Variants in OSBPL1A observed in about 807,000 individuals in gnomAD.
OSBPL1A encodes the protein oxysterol-binding protein-related protein 1.
Under a neutral mutation model 137.1 loss-of-function variants are expected in OSBPL1A, and 80 were observed. The ratio of observed to expected loss-of-function variants is 0.58; its 90% confidence interval spans 0.49 to 0.70. The LOEUF (loss-of-function observed/expected upper bound fraction) is 0.70, where lower values mean the gene tolerates loss of function less well. Among genes scored for constraint, OSBPL1A ranks in the 30% least tolerant of loss-of-function variants. The pLI, the probability that OSBPL1A is intolerant of heterozygous loss-of-function variation, is 0.00. For missense variants in OSBPL1A, 970 were observed against 1,129.4 expected, an observed-to-expected ratio of 0.86 and a Z score of 2.02; for synonymous variants, 365 against 389.7, an observed-to-expected ratio of 0.94 and a Z score of 0.75.
At chr18:24,385,816 C>T (rs893818542) in intron 1 of OSBPL1A, among the ~76,000 whole-genome samples, 5 of 152,150 alleles carry the variant, frequency 3.3e-5, no homozygotes, top group African/African-American at 1.2e-4. Context: ...AAAGCAACTT[C>T]CTTCTGAAGA....
At chr18:24,332,083 T>C (rs988274683) in intron 7 of OSBPL1A, among the ~76,000 whole-genome samples, 7 of 151,998 alleles carry the variant, frequency 4.6e-5, no homozygotes, top group African/African-American at 7.2e-5. Context: ...CTGTTTAAAA[T>C]GGCCCCAAGC....
chr18:24,360,882 G>A (rs1019147130), intron 4 of OSBPL1A, among the ~76,000 whole-genome samples: 11 of 152,182 alleles, frequency 7.2e-5, no homozygotes, highest in African/African-American at 2.7e-4. Context: ...GAGCTGCCGG[G>A]ATAGGTTCCA....
intron 18 of OSBPL1A, among the ~76,000 whole-genome samples, chr18:24,187,384 G>T (rs1194483962): frequency 6.6e-6 from 1 of 152,150 alleles, no homozygotes; most frequent in African/African-American, 2.4e-5. Context: ...TGAAGGTGGT[G>T]CCTTTTTTGT....
chr18:24,170,686 A>C, intron 23 of OSBPL1A: 1 of 480,270 alleles, frequency 2.1e-6, no homozygotes, highest in Non-Finnish European at 3.8e-6. Flanking sequence ...TCACTCTGTT[A>C]CTCAGGCTGG....
At chr18:24,209,375 A>G (rs1306272870) in intron 17 of OSBPL1A, among the ~76,000 whole-genome samples, 1 of 152,250 alleles carries the variant, frequency 6.6e-6, no homozygotes, top group African/African-American at 2.4e-5. Flanking sequence ...GTACCATGTC[A>G]TACCTACAAA....
chr18:24,314,293 G>A lies in OSBPL1A; in HGVS notation c.925C>T (p.His309Tyr), dbSNP rs2090678043. The change falls in exon 12 of 28, where the codon CAT becomes TAT. Residue 309 changes from histidine to tyrosine, a missense_variant. His to Tyr is a moderately conservative substitution (Grantham distance 83). Coordinates refer to ENST00000319481, the MANE Select transcript of OSBPL1A (RefSeq NM_080597.4). ...CTATTCTTAGGAACCCGGAAGCCAT[G>A]AATGGTGTCATCAAAGCATTTAATA... The part of the protein sequence containing the change: ...FFIKCFDDTI[H>Y]GFRVPKNSLQ... 1.2e-6 allele frequency: 2 copies of A among 1,611,894 alleles called. No homozygotes were observed. The highest frequency in any genetic ancestry group is 1.7e-6 in the Non-Finnish European group (2 of 1,179,362).
At chr18:24,257,200 G>A (rs374435093) in intron 15 of OSBPL1A, among the ~76,000 whole-genome samples, 6 of 152,178 alleles carry the variant, frequency 3.9e-5, no homozygotes, top group African/African-American at 1.4e-4. Flanking sequence ...AACTAAACTG[G>A]AGGAATCATA....
At chr18:24,298,502 C>T (rs1406316149) in intron 14 of OSBPL1A, among the ~76,000 whole-genome samples, 4 of 152,180 alleles carry the variant, frequency 2.6e-5, no homozygotes, top group Non-Finnish European at 5.9e-5. Context: ...TGTGCCACCA[C>T]GCCCGGCTAA....
chr18:24,396,350 C>A (rs1034638540), intron 1 of OSBPL1A, among the ~76,000 whole-genome samples: 5 of 152,066 alleles, frequency 3.3e-5, no homozygotes, highest in African/African-American at 1.2e-4. Flanking sequence ...TAAGTTTCTG[C>A]TGATTCACAA....
intron 15 of OSBPL1A, among the ~76,000 whole-genome samples, chr18:24,278,787 A>G (rs542284581): frequency 6.7e-6 from 1 of 150,258 alleles, no homozygotes; most frequent in South Asian, 2.1e-4. Context: ...CTATGACATC[A>G]TATTTTATTA....
intron 14 of OSBPL1A, among the ~76,000 whole-genome samples, chr18:24,284,452 G>T (rs906664973): frequency 6.6e-6 from 1 of 152,126 alleles, no homozygotes; most frequent in African/African-American, 2.4e-5. Flanking sequence ...GCTGTGAGAA[G>T]ATCATATTGG....
At chr18:24,194,347 A>G (rs1443774347) in intron 18 of OSBPL1A, among the ~76,000 whole-genome samples, 1 of 152,218 alleles carries the variant, frequency 6.6e-6, no homozygotes, top group African/African-American at 2.4e-5. Flanking sequence ...TATAATAGAA[A>G]ATACAATTTG....
chr18:24,331,423 GTC>G (rs2091075428), intron 7 of OSBPL1A, among the ~76,000 whole-genome samples: 1 of 145,704 alleles, frequency 6.9e-6, no homozygotes, highest in African/African-American at 2.6e-5. Flanking sequence ...TTGAGACAGA[GTC>G]TCGCTCTGTC....
chr18:24,182,446 G>A (rs1284252708), intron 18 of OSBPL1A, among the ~76,000 whole-genome samples: 1 of 151,462 alleles, frequency 6.6e-6, no homozygotes, highest in Non-Finnish European at 1.5e-5. Context: ...GAGGCCTGCT[G>A]GCTGGTTGCG....
At chr18:24,223,280 C>T (rs1285388322) in intron 17 of OSBPL1A, among the ~76,000 whole-genome samples, 3 of 152,014 alleles carry the variant, frequency 2.0e-5, no homozygotes, top group African/African-American at 7.2e-5. Context: ...TTATCTGTGG[C>T]ATATGCTCTA....
intron 1 of OSBPL1A, among the ~76,000 whole-genome samples, chr18:24,384,065 G>A (rs75863706): frequency 0.014 from 2,090 of 152,310 alleles, 24 homozygotes; most frequent in Non-Finnish European, 0.019. Flanking sequence ...CAACATTAGT[G>A]ATTAGATACA....
chr18:24,358,266 G>C, intron 4 of OSBPL1A: 2 of 567,124 alleles, frequency 3.5e-6, no homozygotes, highest in South Asian at 4.7e-5. Flanking sequence ...ACGTATCCAT[G>C]ACTGACTGTC....
intron 1 of OSBPL1A, among the ~76,000 whole-genome samples, chr18:24,388,092 A>G (rs959662361): frequency 1.3e-5 from 2 of 152,150 alleles, no homozygotes; most frequent in Non-Finnish European, 2.9e-5. Context: ...CAAATAAACT[A>G]CTATCCACAT....
chr18:24,348,304 A>G lies in OSBPL1A; in HGVS notation c.283-6646T>C, dbSNP rs148303176. On this transcript the variant is annotated intron_variant, in intron 4 of 27. Transcript: ENST00000319481. ...ATTATTTCCAAGTAAATATAATAAT[A>G]CTCAATATTTAATTAACATTTACTT... Among the ~76,000 whole-genome samples the G allele has an allele frequency of 1.7e-4, 25 of 151,388 alleles. 1 individual carries two copies. In the East Asian group the frequency reaches 4.2e-3, roughly 26 times the overall value.
Sources: gnomAD v4.1 joint callset for allele counts (sites outside exome capture counted in the v4.1 genomes callset) on GRCh38, gnomAD v4.1.1 for gene constraint, MANE v1.5 for transcripts, NCBI Gene and HGNC (gene_info 2026-07-23, HGNC 2026-07-21) for gene names.